Variants in LDLRAD4 observed in about 807,000 individuals in gnomAD.
LDLRAD4 encodes low density lipoprotein receptor class A domain containing 4, also known as low-density lipoprotein receptor class A domain-containing protein 4.
LDLRAD4 carries 5 observed loss-of-function variants against 17.0 expected under a neutral mutation model. The observed-to-expected ratio is 0.29, with a 90% CI of 0.15 to 0.62. The LOEUF (loss-of-function observed/expected upper bound fraction) is 0.62, where lower values mean the gene tolerates loss of function less well. LDLRAD4 is among the 20% of genes least tolerant of loss of function. LDLRAD4 has a pLI of 0.84. For missense variants in LDLRAD4, 340 were observed against 424.7 expected (o/e 0.80, Z 1.75); for synonymous variants, 168 against 171.8 (o/e 0.98, Z 0.17).
At chr18:13,271,618 A>T (rs1489756548) in intron 1 of LDLRAD4, among the ~76,000 whole-genome samples, 3 of 152,170 alleles carry the variant, frequency 2.0e-5, no homozygotes, top group African/African-American at 7.2e-5. Flanking sequence ...CTGTTGCGTG[A>T]AGTCCTTGAA....
chr18:13,270,366 AAAAG>A (rs2044462943), intron 1 of LDLRAD4, among the ~76,000 whole-genome samples: 2 of 151,994 alleles, frequency 1.3e-5, no homozygotes, highest in South Asian at 4.2e-4. Flanking sequence ...TAAAAAAAAA[AAAAG>A]AAAAGGAAAA....
intron 1 of LDLRAD4, among the ~76,000 whole-genome samples, chr18:13,326,434 G>A (rs1373115209): frequency 1.3e-5 from 2 of 152,188 alleles, no homozygotes; most frequent in African/African-American, 4.8e-5. Context: ...GGCAGGTGGA[G>A]GAATGACTGA....
intron 1 of LDLRAD4, among the ~76,000 whole-genome samples, chr18:13,290,246 G>A (rs2045888667): frequency 6.6e-6 from 1 of 152,152 alleles, no homozygotes; most frequent in Non-Finnish European, 1.5e-5. Context: ...AGAGGGGCTG[G>A]GGATTCCTTC....
chr18:13,254,979 A>T (rs1265943660), intron 1 of LDLRAD4, among the ~76,000 whole-genome samples: 1 of 152,224 alleles, frequency 6.6e-6, no homozygotes, highest in Non-Finnish European at 1.5e-5. Flanking sequence ...AAGTTAAATA[A>T]AAGAAAAACC....
intron 1 of LDLRAD4, among the ~76,000 whole-genome samples, chr18:13,301,604 C>T (rs2046607782): frequency 6.6e-6 from 1 of 152,088 alleles, no homozygotes; most frequent in Non-Finnish European, 1.5e-5. Flanking sequence ...CCCCAGGAGC[C>T]AAGGGTGGTG....
At chr18:13,462,449 A>G (rs1298227574) in intron 3 of LDLRAD4, among the ~76,000 whole-genome samples, 2 of 152,192 alleles carry the variant, frequency 1.3e-5, no homozygotes, top group African/African-American at 4.8e-5. Context: ...CCACACAGCC[A>G]GGTAGGGGGC....
chr18:13,625,745 A>C (rs1214323674), intron 4 of LDLRAD4, among the ~76,000 whole-genome samples: 6 of 18,816 alleles, frequency 3.2e-4, no homozygotes, highest in African/African-American at 1.1e-3. Flanking sequence ...CCCCCACCAG[A>C]GCCCTCCTCC....
chr18:13,609,831 A>T (rs1195932055), intron 3 of LDLRAD4, among the ~76,000 whole-genome samples: 1 of 152,084 alleles, frequency 6.6e-6, no homozygotes, highest in Non-Finnish European at 1.5e-5. Context: ...AAATTACAAA[A>T]ATTAGCCCGG....
chr18:13,626,492 C>T (rs572753376), intron 4 of LDLRAD4, among the ~76,000 whole-genome samples: 25 of 152,172 alleles, frequency 1.6e-4, no homozygotes, highest in Non-Finnish European at 2.4e-4. Context: ...TGGCCATCAG[C>T]GGATGGAGGG....
chr18:13,583,121 A>G (rs1055196246), intron 3 of LDLRAD4, among the ~76,000 whole-genome samples: 1 of 152,194 alleles, frequency 6.6e-6, no homozygotes, highest in African/African-American at 2.4e-5. Context: ...ACTGTGAATT[A>G]TAGCTCTTAT....
At chr18:13,591,406 A>T (rs1390224526) in intron 3 of LDLRAD4, among the ~76,000 whole-genome samples, 1 of 79,732 alleles carries the variant, frequency 1.3e-5, no homozygotes, top group Non-Finnish European at 2.5e-5. Flanking sequence ...TTCCAAAGAG[A>T]TGTGTGTGTA....
intron 1 of LDLRAD4, among the ~76,000 whole-genome samples, chr18:13,385,572 C>G (rs12457816): frequency 0.12 from 17,557 of 152,240 alleles, 1,283 homozygotes; most frequent in East Asian, 0.26. Context: ...TTGGTTTTCT[C>G]TCTGAGTTTA....
At chr18:13,246,775 C>T (rs2042976935) in intron 1 of LDLRAD4, among the ~76,000 whole-genome samples, 1 of 152,198 alleles carries the variant, frequency 6.6e-6, no homozygotes, top group Non-Finnish European at 1.5e-5. Flanking sequence ...CAGGTCTGCA[C>T]ACCTGATTTT....
intron 3 of LDLRAD4, chr18:13,486,838 AGAGCCCCCTT>A (rs923215863): frequency 9.9e-5 from 15 of 152,206 alleles, no homozygotes; most frequent in African/African-American, 3.6e-4. Context: ...GCAGCCCCGC[AGAGCCCCCTT>A]GAGCTGCATT....
intron 3 of LDLRAD4, among the ~76,000 whole-genome samples, chr18:13,494,737 G>T (rs2093431055): frequency 1.4e-4 from 12 of 88,802 alleles, no homozygotes; most frequent in African/African-American, 4.8e-4. Context: ...TTGAATAAAT[G>T]ACACAGTGGG....
At position 13,323,524 on chromosome 18, in the gene LDLRAD4, G is replaced by A. The variant is rs139976791; in HGVS notation, c.-383+45336G>A. 4.6e-4 allele frequency among the ~76,000 whole-genome samples: 70 copies of A among 152,282 alleles called. 2 individuals are homozygous for A. The East Asian group carries it at 0.012, about 26-fold the overall frequency. Reference sequence around the variant, plus strand: ...AGTCAGGTCCTTATTTGACAGGGCCGTGACTCAAGTGAGGTGCCACGTTTA... The same window carrying A: ...AGTCAGGTCCTTATTTGACAGGGCCATGACTCAAGTGAGGTGCCACGTTTA... On this transcript the variant is annotated intron_variant, in intron 1 of 5. Transcript: ENST00000359446.
At chr18:13,426,844 A>G (rs562111350) in intron 2 of LDLRAD4, among the ~76,000 whole-genome samples, 1 of 152,202 alleles carries the variant, frequency 6.6e-6, no homozygotes, top group Non-Finnish European at 1.5e-5. Context: ...TACAGGGAAC[A>G]TGGGTGTTTA....
intron 2 of LDLRAD4, among the ~76,000 whole-genome samples, chr18:13,408,851 CT>C (rs1318506891): frequency 6.6e-6 from 1 of 151,970 alleles, no homozygotes; most frequent in Non-Finnish European, 1.5e-5. Context: ...TCTTTCTCGT[CT>C]TTTTCTTCCT....
At position 13,224,565 on chromosome 18, in the gene LDLRAD4, T is replaced by C. The variant is rs551256474; in HGVS notation, c.-467+5577T>C. On this transcript the variant is annotated intron_variant, in intron 1 of 5. Coordinates refer to the LDLRAD4 transcript ENST00000399848. ...CGCAATCTCGGCCCACTGTAAGCTC[T>C]GCCTCCAGGGTTCATGCCATTCTCC... 1.5e-3 allele frequency among the ~76,000 whole-genome samples: 215 copies of C among 143,450 alleles called. 3 individuals are homozygous for C. In the Middle Eastern group the frequency reaches 0.028, roughly 19 times the overall value. The allele number at this position is 143,450 out of a possible 152,430, so 94.1% of individuals were successfully genotyped here. A position where few individuals can be genotyped will look rare whatever the true frequency, so the allele number is the denominator to read the frequency against.
Sources: gnomAD v4.1 joint callset for allele counts (sites outside exome capture counted in the v4.1 genomes callset) on GRCh38, gnomAD v4.1.1 for gene constraint, MANE v1.5 for transcripts, NCBI Gene and HGNC (gene_info 2026-07-23, HGNC 2026-07-21) for gene names.